Variants in LARGE1 observed in about 807,000 individuals in gnomAD.
LARGE1 encodes the protein LARGE xylosyl- and glucuronyltransferase 1.
LARGE1 carries 43 observed loss-of-function variants against 87.6 expected under a neutral mutation model. The ratio of observed to expected loss-of-function variants is 0.49; its 90% CI spans 0.38 to 0.63. LARGE1 has a LOEUF of 0.63. Ranked by LOEUF, LARGE1 falls within the 30% of genes least tolerant of loss-of-function variation. The probability of loss-of-function intolerance (pLI) is 0.00; values close to 1 mark genes in which losing one functional copy is unlikely to be tolerated. For missense variants in LARGE1, 802 were observed against 1,000.2 expected (o/e 0.80, Z 2.67); for synonymous variants, 434 against 394.6 (o/e 1.10, Z -1.18).
intron 11 of LARGE1, among the ~76,000 whole-genome samples, chr22:33,306,083 A>C (rs1934861736): frequency 6.6e-6 from 1 of 152,046 alleles, no homozygotes; most frequent in African/African-American, 2.4e-5. Context: ...TGACCTCGTG[A>C]TCCGCCCACC....
intron 2 of LARGE1, among the ~76,000 whole-genome samples, chr22:33,676,778 G>T (rs1347146445): frequency 5.9e-5 from 9 of 152,080 alleles, no homozygotes; most frequent in Non-Finnish European, 1.5e-5. Context: ...TAGCTTGAAA[G>T]TGGCCACCAG....
At chr22:33,400,668 T>C (rs932761189) in intron 7 of LARGE1, among the ~76,000 whole-genome samples, 20 of 152,104 alleles carry the variant, frequency 1.3e-4, no homozygotes, top group African/African-American at 4.6e-4. Flanking sequence ...CCTGCTGGAA[T>C]GTGGAGCTCC....
At chr22:33,483,728 T>C (rs946090252) in intron 6 of LARGE1, among the ~76,000 whole-genome samples, 5 of 152,182 alleles carry the variant, frequency 3.3e-5, no homozygotes, top group African/African-American at 1.2e-4. Flanking sequence ...GATTAAATTA[T>C]CTTCACTCTG....
At chr22:33,797,878 C>T (rs887008072) in intron 1 of LARGE1, among the ~76,000 whole-genome samples, 16 of 152,220 alleles carry the variant, frequency 1.1e-4, no homozygotes, top group Non-Finnish European at 2.9e-5. Context: ...CGCCTCACTC[C>T]CATGTGGCTC....
intron 1 of LARGE1, among the ~76,000 whole-genome samples, chr22:33,792,215 TC>T (rs1047227763): frequency 6.6e-6 from 1 of 152,130 alleles, no homozygotes; most frequent in Non-Finnish European, 1.5e-5. Flanking sequence ...GTTCCCATAA[TC>T]CCCACATGTC....
intron 2 of LARGE1, among the ~76,000 whole-genome samples, chr22:33,753,929 G>A (rs548520828): frequency 1.3e-5 from 2 of 152,066 alleles, no homozygotes; most frequent in Non-Finnish European, 2.9e-5. Context: ...GGGCATGGGG[G>A]TGGGCACCTG....
chr22:33,506,899 TCAAA>T (rs908583258), intron 6 of LARGE1, among the ~76,000 whole-genome samples: 5 of 152,038 alleles, frequency 3.3e-5, no homozygotes, highest in Non-Finnish European at 7.4e-5. Context: ...AGACTCTGTC[TCAAA>T]CAAACAAAAA....
In LARGE1 at chr22:33,277,230, C is replaced by T. The variant is rs150325234; in HGVS notation, c.1903G>A (p.Ala635Thr). 22 of 1,614,212 alleles carry T rather than the reference C, an allele frequency of 1.4e-5. No individual in the cohort carries two copies. Among genetic ancestry groups the T allele is most frequent in the Non-Finnish European group, 1.8e-5 (21 of 1,180,044 alleles). Residue 635 changes from alanine (A) to threonine (T), a missense_variant, in exon 14 of 15, where the codon GCA becomes ACA. Transcript: ENST00000397394. ...FRYHVWTKGH[A>T]PTNFAKWRTA... ...CGCCACTTGGCGAAGTTTGTGGGTGCGTGGCCTTTCGTCCAGACGTGGTAC... is the reference window on the plus strand; with the variant it reads ...CGCCACTTGGCGAAGTTTGTGGGTGTGTGGCCTTTCGTCCAGACGTGGTAC...
chr22:33,095,010 C>T, the LARGE1 span, among the ~76,000 whole-genome samples: 12 of 152,320 alleles, frequency 7.9e-5, no homozygotes, highest in Admixed American at 2.6e-4. Flanking sequence ...TGAGCCACCG[C>T]GCCTGGCCTC....
intron 1 of LARGE1, among the ~76,000 whole-genome samples, chr22:33,813,441 A>T (rs935435885): frequency 1.3e-5 from 2 of 151,894 alleles, no homozygotes; most frequent in Non-Finnish European, 2.9e-5. Context: ...CCACACACAC[A>T]TCTTGGTGGA....
chr22:33,264,375 A>C (rs1181124194), intron 11 of LARGE1, among the ~76,000 whole-genome samples: 1 of 152,190 alleles, frequency 6.6e-6, no homozygotes, highest in African/African-American at 2.4e-5. Context: ...ACACAACTTA[A>C]ATTAGGTTTG....
intron 2 of LARGE1, among the ~76,000 whole-genome samples, chr22:33,733,999 G>A (rs1168799505): frequency 6.6e-6 from 1 of 152,142 alleles, no homozygotes; most frequent in Non-Finnish European, 1.5e-5. Context: ...CTGTCAACAG[G>A]ATTGGTTCTG....
intron 6 of LARGE1, among the ~76,000 whole-genome samples, chr22:33,480,114 C>G (rs1468744155): frequency 3.9e-5 from 6 of 152,158 alleles, no homozygotes; most frequent in African/African-American, 1.2e-4. Flanking sequence ...CCCTGCCCCC[C>G]AGGAGCTACT....
intron 3 of LARGE1, among the ~76,000 whole-genome samples, chr22:33,648,996 C>T (rs2080707792): frequency 6.6e-6 from 1 of 152,168 alleles, no homozygotes; most frequent in African/African-American, 2.4e-5. Flanking sequence ...CCTCCTCGCC[C>T]AGGTTCTCTG....
chr22:33,196,309 G>A (rs1445452956), intron 11 of LARGE1, among the ~76,000 whole-genome samples: 6 of 152,034 alleles, frequency 3.9e-5, no homozygotes, highest in Non-Finnish European at 8.8e-5. Flanking sequence ...AGGAAAGAAA[G>A]CAGAGTTATC....
intron 7 of LARGE1, among the ~76,000 whole-genome samples, chr22:33,392,714 C>G (rs532268108): frequency 1.3e-5 from 2 of 152,116 alleles, no homozygotes; most frequent in African/African-American, 4.8e-5. Flanking sequence ...AAAGTGGATG[C>G]CACTTTAAAG....
At chr22:33,572,004 C>A (rs191860241) in intron 5 of LARGE1, 1 of 337,548 alleles carries the variant, frequency 3.0e-6, no homozygotes, top group African/African-American at 2.2e-5. Context: ...TTCCAAATCT[C>A]TCCAGGCCTT....
chr22:33,703,194 G>A (rs2082450505), intron 2 of LARGE1, among the ~76,000 whole-genome samples: 1 of 152,050 alleles, frequency 6.6e-6, no homozygotes, highest in South Asian at 2.1e-4. Flanking sequence ...CCTATCAGAG[G>A]GGTGGAGGAA....
intron 6 of LARGE1, among the ~76,000 whole-genome samples, chr22:33,544,188 C>G (rs1602346008): frequency 6.6e-6 from 1 of 152,194 alleles, no homozygotes; most frequent in Admixed American, 6.5e-5. Flanking sequence ...GGACTTCACC[C>G]CATGAGCCTT....
Sources: allele counts gnomAD v4.1 joint callset (sites outside exome capture counted in the v4.1 genomes callset), GRCh38; gene constraint gnomAD v4.1.1; transcripts MANE v1.5; gene names NCBI Gene and HGNC (gene_info 2026-07-23, HGNC 2026-07-21).